Variants in ALMS1 observed in about 807,000 individuals in gnomAD.
ALMS1 encodes centrosome-associated protein ALMS1.
A neutral mutation model predicts 352.2 loss-of-function variants in ALMS1; 271 were observed. That is an observed-to-expected ratio of 0.77 (90% CI 0.70 to 0.85). ALMS1 has a LOEUF of 0.85. Among genes scored for constraint, ALMS1 ranks in the 40% least tolerant of loss-of-function variants. The probability of loss-of-function intolerance (pLI) is 0.00; values close to 1 mark genes in which losing one functional copy is unlikely to be tolerated. For missense variants in ALMS1, 5,445 were observed against 4,870.7 expected (o/e 1.12, Z -3.51); for synonymous variants, 1,865 against 1,761.2 (o/e 1.06, Z -1.48).
intron 5 of ALMS1, among the ~76,000 whole-genome samples, chr2:73,425,872 C>A (rs544123234): frequency 6.6e-6 from 1 of 152,084 alleles, no homozygotes; most frequent in Non-Finnish European, 1.5e-5. Flanking sequence ...AAAATTACCC[C>A]CTAATGCTCT....
At chr2:73,415,904 TAAGAA>T (rs1159752089) in intron 2 of ALMS1, among the ~76,000 whole-genome samples, 2 of 152,050 alleles carry the variant, frequency 1.3e-5, no homozygotes, top group African/African-American at 2.4e-5. Flanking sequence ...GAAATACAGA[TAAGAA>T]AGGAATAAAG....
rs368955191 is a variant in ALMS1, at chr2:73,450,708, A to G, written c.4181A>G (p.Gln1394Arg). 20 of 1,612,506 alleles carry G rather than the reference A, an allele frequency of 1.2e-5. No homozygotes were observed. The highest frequency in any genetic ancestry group is 4.0e-5 in the African/African-American group (3 of 74,424). Residue 1394 changes from glutamine to arginine, a missense_variant, in exon 8 of 23, where the codon CAG becomes CGG. Gln to Arg is a conservative substitution (Grantham distance 43). Transcript: ENST00000613296. ...HTEKPSIFYQ[Q>R]SLPGSHLTEE... ...GAGAAGCCGAGTATTTTCTACCAAC[A>G]GTCGTTGCCAGGTAGTCATCTAACT...
chr2:73,485,747 C>A (rs937019537), intron 9 of ALMS1, among the ~76,000 whole-genome samples: 3 of 152,112 alleles, frequency 2.0e-5, no homozygotes, highest in Non-Finnish European at 2.9e-5. Flanking sequence ...CTAGGACGCT[C>A]GGAGCCAGGT....
At chr2:73,604,680 T>C (rs1364779905) in intron 21 of ALMS1, among the ~76,000 whole-genome samples, 1 of 152,204 alleles carries the variant, frequency 6.6e-6, no homozygotes, top group African/African-American at 2.4e-5. Context: ...AGTCCAGTGG[T>C]TCTCAGAGAG....
chr2:73,472,638 G>A (rs1415304362), intron 9 of ALMS1, among the ~76,000 whole-genome samples: 2 of 152,010 alleles, frequency 1.3e-5, no homozygotes, highest in African/African-American at 2.4e-5. Context: ...GAGCTGTAGC[G>A]CTGCAGAAAC....
intron 16 of ALMS1, among the ~76,000 whole-genome samples, chr2:73,590,942 C>G (rs1002588892): frequency 6.6e-6 from 1 of 151,910 alleles, no homozygotes; most frequent in African/African-American, 2.4e-5. Context: ...TCCCAAAGTG[C>G]TGGAATTACA....
intron 12 of ALMS1, among the ~76,000 whole-genome samples, chr2:73,539,512 A>T (rs1674115284): frequency 6.6e-6 from 1 of 152,250 alleles, no homozygotes; most frequent in African/African-American, 2.4e-5. Flanking sequence ...GCAATGGAAC[A>T]AAGCTGGATG....
intron 9 of ALMS1, among the ~76,000 whole-genome samples, chr2:73,488,602 C>G (rs567610373): frequency 6.6e-6 from 1 of 152,314 alleles, no homozygotes; most frequent in South Asian, 2.1e-4. Flanking sequence ...CCCACCACCT[C>G]AGTACAGCGA....
At chr2:73,543,280 TAATA>T (rs1674234267) in intron 12 of ALMS1, among the ~76,000 whole-genome samples, 1 of 152,202 alleles carries the variant, frequency 6.6e-6, no homozygotes, top group Non-Finnish European at 1.5e-5. Context: ...ATTCCCTATT[TAATA>T]AATGGTGCTG....
intron 9 of ALMS1, chr2:73,458,053 A>AAAAAAAAAAAAG (rs1553405034): frequency 6.7e-6 from 1 of 149,924 alleles, no homozygotes; most frequent in African/African-American, 2.5e-5. Context: ...AAAAAAAAAA[A>AAAAAAAAAAAAG]GGTCTAAAAC....
At chr2:73,544,695 C>T (rs992522345) in intron 12 of ALMS1, among the ~76,000 whole-genome samples, 2 of 152,030 alleles carry the variant, frequency 1.3e-5, no homozygotes, top group African/African-American at 4.8e-5. Flanking sequence ...CCAGTAATTC[C>T]ACTTTTAAAT....
intron 10 of ALMS1, among the ~76,000 whole-genome samples, chr2:73,506,143 C>T (rs1255143993): frequency 6.6e-6 from 1 of 152,152 alleles, no homozygotes; most frequent in East Asian, 1.9e-4. Context: ...TTCCATTGGT[C>T]TATGTATCTG....
chr2:73,557,257 CCT>C lies in ALMS1; in HGVS notation c.10120_10121del (p.Ser3374ArgfsTer15), dbSNP rs771301027. 1.2e-6 allele frequency: 2 copies of C among 1,614,086 alleles called. No homozygotes were observed. Among genetic ancestry groups the C allele is most frequent in the South Asian group, 2.2e-5 (2 of 91,086 alleles). ...VQVLITGDENLSDKKQQEIHS... is the reference protein window; with the variant it reads ...VQVLITGDENXSDKKQQEIHS... ...AAGTGCTAATCACTGGGGATGAGAACCTCTCAGACAAAAAACAGCAAGAGATT... is the reference window on the plus strand; with the variant it reads ...AAGTGCTAATCACTGGGGATGAGAACCTCAGACAAAAAACAGCAAGAGATT... On this transcript the variant is annotated frameshift_variant, in exon 14 of 23. Coordinates refer to ENST00000613296, the MANE Select transcript of ALMS1 (RefSeq NM_001378454.1). LOFTEE classifies it high-confidence loss of function.
At chr2:73,586,156 G>C (rs1030992379) in intron 16 of ALMS1, among the ~76,000 whole-genome samples, 5 of 152,176 alleles carry the variant, frequency 3.3e-5, no homozygotes, top group Non-Finnish European at 7.4e-5. Context: ...TGAGTTCCTT[G>C]TAGATTCTGC....
intron 4 of ALMS1, among the ~76,000 whole-genome samples, chr2:73,423,452 G>A (rs930594503): frequency 2.6e-5 from 4 of 152,162 alleles, no homozygotes; most frequent in Non-Finnish European, 5.9e-5. Context: ...TTTATGAACA[G>A]ACATATCCAA....
At chr2:73,521,125 G>A (rs1398933759) in intron 11 of ALMS1, among the ~76,000 whole-genome samples, 1 of 152,072 alleles carries the variant, frequency 6.6e-6, no homozygotes, top group Non-Finnish European at 1.5e-5. Context: ...CATTTTTCTT[G>A]TGAAATTAAA....
chr2:73,426,523 C>T lies in ALMS1; in HGVS notation c.1308C>T (p.Cys436=), dbSNP rs1255714319. 1 of 1,614,052 alleles carries T rather than the reference C, an allele frequency of 6.2e-7. No individual in the cohort carries two copies. Among genetic ancestry groups the T allele is most frequent in the Admixed American group, 1.7e-5 (1 of 60,024 alleles). ...GCCTAAATGAAAATGCTGTTGTATGCAGTGAAAGAGTTGCTGAACTACAAA... is the reference window on the plus strand; with the variant it reads ...GCCTAAATGAAAATGCTGTTGTATGTAGTGAAAGAGTTGCTGAACTACAAA... ...LDGLNENAVV[C]SERVAELQRK... is the part of the protein sequence containing the mutation. The change falls in exon 6 of 23, where the codon TGC becomes TGT. Residue 436 remains cysteine, a synonymous_variant. Transcript: ENST00000613296.
intron 7 of ALMS1, among the ~76,000 whole-genome samples, chr2:73,447,180 A>T (rs138504471): frequency 2.0e-4 from 31 of 152,310 alleles, no homozygotes; most frequent in Admixed American, 5.2e-4. Context: ...CACTTACTTT[A>T]CACTGCTGTT....
chr2:73,419,381 A>G (rs1671243672), intron 3 of ALMS1, 63 bp downstream of exon 3: 1 of 1,506,636 alleles, frequency 6.6e-7, no homozygotes, highest in South Asian at 1.1e-5. Flanking sequence ...CGGGGACTGC[A>G]AGTCTTGTAA....
Sources: allele counts gnomAD v4.1 joint callset (sites outside exome capture counted in the v4.1 genomes callset), GRCh38; gene constraint gnomAD v4.1.1; transcripts MANE v1.5; gene names NCBI Gene and HGNC (gene_info 2026-07-23, HGNC 2026-07-21).